Variants in SBNO2 observed in about 807,000 individuals in gnomAD.
SBNO2 encodes protein strawberry notch homolog 2.
SBNO2 carries 89 observed loss-of-function variants against 146.3 expected under a neutral mutation model. The ratio of observed to expected loss-of-function variants is 0.61; its 90% CI spans 0.51 to 0.73. SBNO2 has a LOEUF of 0.73. Among genes scored for constraint, SBNO2 ranks in the 30% least tolerant of loss-of-function variants. The pLI is 0.00. For missense variants in SBNO2, 2,092 were observed against 2,003.7 expected (o/e 1.04, Z -0.84); for synonymous variants, 1,147 against 892.6 (o/e 1.29, Z -5.08).
intron 17 of SBNO2, 74 bp from the exon 18 acceptor site, chr19:1,114,496 G>T: frequency 7.8e-7 from 1 of 1,287,310 alleles, no homozygotes; most frequent in Non-Finnish European, 1.0e-6. Flanking sequence ...GACGCAGCAG[G>T]ACAGAGCAAG....
chr19:1,167,451 G>A (rs911166747), intron 1 of SBNO2, among the ~76,000 whole-genome samples: 4 of 152,178 alleles, frequency 2.6e-5, no homozygotes, highest in Non-Finnish European at 5.9e-5. Flanking sequence ...GAGCTCGGCC[G>A]GGGGCGGGAT....
chr19:1,116,696 G>T, intron 16 of SBNO2, 133 bp downstream of exon 16: 1 of 708,858 alleles, frequency 1.4e-6, no homozygotes, highest in South Asian at 1.9e-5. Flanking sequence ...GCTGAGGCTG[G>T]GGGCCCAGCA....
intron 1 of SBNO2, among the ~76,000 whole-genome samples, chr19:1,165,702 C>T (rs1489932314): frequency 1.4e-5 from 2 of 146,094 alleles, no homozygotes; most frequent in South Asian, 2.3e-4. Context: ...TCTCAGACCC[C>T]AGACCCCAGA....
chr19:1,127,016 C>A (rs1329391215), intron 5 of SBNO2, among the ~76,000 whole-genome samples: 3 of 152,224 alleles, frequency 2.0e-5, no homozygotes, highest in Non-Finnish European at 2.9e-5. Flanking sequence ...CCTCAGCCCC[C>A]ACGGACAATG....
At chr19:1,132,288 C>A (rs1210336634) in intron 4 of SBNO2, 3 of 1,312,232 alleles carry the variant, frequency 2.3e-6, no homozygotes, top group Non-Finnish European at 2.9e-6. Flanking sequence ...TTAGTCACCG[C>A]CGCCGGCGCC....
chr19:1,129,090 A>T (rs1485126341), intron 4 of SBNO2, among the ~76,000 whole-genome samples: 1 of 151,860 alleles, frequency 6.6e-6, no homozygotes, highest in Non-Finnish European at 1.5e-5. Context: ...AATATGGTAA[A>T]ACCCTGTCTT....
chr19:1,156,854 T>C (rs4807612), intron 1 of SBNO2, among the ~76,000 whole-genome samples: 39,424 of 142,454 alleles, frequency 0.28, 6,255 homozygotes, highest in East Asian at 0.51. Context: ...CCGGGGCCCA[T>C]TTCCAAGTCC....
intron 9 of SBNO2, 48 bp downstream of exon 9, chr19:1,122,610 T>TCCCCCC: frequency 4.3e-6 from 3 of 694,600 alleles, no homozygotes; most frequent in Admixed American, 3.6e-5. Flanking sequence ...GCCCCCCGCT[T>TCCCCCC]CCGCCCCCCA....
In SBNO2 at chr19:1,125,564, G is replaced by T. The variant is rs549355736; in HGVS notation, c.442-1542C>A. The stretch of plus-strand genomic sequence containing the variant: ...ACATGCCTGTAATCTCAGCTACTAG[G>T]GAGGCTGAGGAGGCAGGAGAATCTC... On this transcript the variant is annotated intron_variant, in intron 5 of 31. Coordinates refer to ENST00000361757, the MANE Select transcript of SBNO2 (RefSeq NM_014963.3). 1.0e-3 allele frequency among the ~76,000 whole-genome samples: 155 copies of T among 151,948 alleles called. 1 individual carries two copies. Among genetic ancestry groups the T allele is most frequent in the African/African-American group, 3.5e-3 (146 of 41,420 alleles).
Position 1,108,416 on chromosome 19 carries a change from G to A in SBNO2, c.3905C>T (p.Ala1302Val). The A allele has an allele frequency of 3.1e-6, 4 of 1,270,492 alleles. No homozygotes were observed. Among genetic ancestry groups the A allele is most frequent in the Non-Finnish European group, 4.0e-6 (4 of 1,002,794 alleles). 78.7% of individuals were successfully genotyped at this position (1,270,492 alleles called of 1,614,324 possible). Residue 1302 changes from alanine to valine, a missense_variant, in exon 32 of 32, where the codon GCC becomes GTC. Ala to Val is a moderately conservative substitution (Grantham distance 64, BLOSUM62 0). Transcript: ENST00000361757. ...GTPDAQADPA[A>V]LAHQGCDINF... ...GATGTCGCAGCCCTGGTGCGCGAGG[G>A]CCGCAGGGTCGGCCTGGGCGTCGGG...
rs2079716773 is a variant in SBNO2, at chr19:1,109,074, C to A, written c.3425+61G>T. On this transcript the variant is annotated intron_variant, in intron 30 of 31. Transcript: ENST00000361757. The surrounding 1 kb of genome is among the most constrained non-coding windows in gnomAD (Gnocchi z 4.2). ...CTCCTCTCAGGGTCTCGGGAGCCCCCGATCCCCGCCTGGGTCGCCGCCATC... is the reference window on the plus strand; with the variant it reads ...CTCCTCTCAGGGTCTCGGGAGCCCCAGATCCCCGCCTGGGTCGCCGCCATC... 1.3e-6 allele frequency: 2 copies of A among 1,533,378 alleles called. No homozygotes were observed. Among genetic ancestry groups the A allele is most frequent in the Non-Finnish European group, 1.8e-6 (2 of 1,139,832 alleles). 95.0% of individuals were successfully genotyped at this position (1,533,378 alleles called of 1,614,324 possible). A position where few individuals can be genotyped will look rare whatever the true frequency, so the allele number is the denominator to read the frequency against.
Position 1,136,091 on chromosome 19 carries a change from C to G in SBNO2, c.280-8326G>C, listed in dbSNP as rs1320935824. ...TCCTCATTCGAAGGAGACACAGTCC[C>G]GGGGAGGAGGCCACGGGACACAGAA... is the stretch of plus-strand genomic sequence containing the variant. On this transcript the variant is annotated intron_variant, in intron 4 of 31. Coordinates refer to ENST00000361757, the MANE Select transcript of SBNO2 (RefSeq NM_014963.3). This position sits in a 1 kb window ranked among gnomAD's most constrained non-coding sequence, Gnocchi z 4.2. Among the ~76,000 whole-genome samples the G allele has an allele frequency of 6.6e-6, 1 of 152,102 alleles. No individual in the cohort carries two copies. The highest frequency in any genetic ancestry group is 2.1e-4 in the South Asian group (1 of 4,828).
At chr19:1,138,675 GAC>G (rs1351160419) in intron 4 of SBNO2, among the ~76,000 whole-genome samples, 2 of 151,500 alleles carry the variant, frequency 1.3e-5, no homozygotes, top group African/African-American at 2.4e-5. Flanking sequence ...ATCACAGACA[GAC>G]ACAGTGGGGC....
At chr19:1,146,090 C>T (rs537441284) in intron 4 of SBNO2, among the ~76,000 whole-genome samples, 41 of 152,298 alleles carry the variant, frequency 2.7e-4, no homozygotes, top group African/African-American at 9.6e-4. Flanking sequence ...TCCAGCGTGG[C>T]GCCAGCTCCC....
chr19:1,121,507 G>A (rs1253449758), intron 11 of SBNO2, among the ~76,000 whole-genome samples: 2 of 152,200 alleles, frequency 1.3e-5, no homozygotes, highest in African/African-American at 2.4e-5. Flanking sequence ...CCTTATCTGA[G>A]CCTGTGCTCC....
chr19:1,152,190 C>A (rs558645735), intron 2 of SBNO2, among the ~76,000 whole-genome samples: 1 of 152,210 alleles, frequency 6.6e-6, no homozygotes, highest in Non-Finnish European at 1.5e-5. Flanking sequence ...GTGCCCCCGC[C>A]GGGTTCCAGC....
chr19:1,112,085 G>A lies in SBNO2; in HGVS notation c.2629-18C>T, dbSNP rs2079769418. 1.2e-6 allele frequency: 2 copies of A among 1,611,888 alleles called. No individual in the cohort carries two copies. The highest frequency in any genetic ancestry group is 1.3e-5 in the African/African-American group (1 of 74,916). On this transcript the variant is annotated intron_variant, in intron 22 of 31. Transcript: ENST00000361757. The surrounding 1 kb of genome is among the most constrained non-coding windows in gnomAD (Gnocchi z 5.9). ...AGGGCCCCCTGCCAGGGGTGGGGAGGCCATCAGTTGGTCACCTGGGGTCTG... is the reference window on the plus strand; with the variant it reads ...AGGGCCCCCTGCCAGGGGTGGGGAGACCATCAGTTGGTCACCTGGGGTCTG...
intron 19 of SBNO2, 99 bp from the exon 20 acceptor site, chr19:1,113,048 G>A: frequency 7.1e-7 from 1 of 1,399,090 alleles, no homozygotes; most frequent in East Asian, 2.5e-5. Context: ...CAGTGGTCAT[G>A]GGCTCCCAGC....
rs370855034 is a variant in SBNO2 at position 1,173,022 on chromosome 19, G to C, written c.-127+1150C>G. On this transcript the variant is annotated intron_variant, in intron 1 of 31. Coordinates refer to ENST00000361757, the MANE Select transcript of SBNO2 (RefSeq NM_014963.3). This position sits in a 1 kb window ranked among gnomAD's most constrained non-coding sequence, Gnocchi z 4.7. ...TTTTTTTTTTTTAACTTTTCAGAAT[G>C]TTAATCAGTTCATCCAGGGAGACAC... is the stretch of plus-strand genomic sequence containing the variant. 6.8e-6 allele frequency among the ~76,000 whole-genome samples: 1 copy of C among 146,332 alleles called. No homozygotes were observed. The highest frequency in any genetic ancestry group is 2.0e-4 in the East Asian group (1 of 4,944).
Sources: gnomAD v4.1 joint callset for allele counts (sites outside exome capture counted in the v4.1 genomes callset) on GRCh38, gnomAD v4.1.1 for gene constraint, Gnocchi (gnomAD v3.1) non-coding constraint, MANE v1.5 for transcripts, NCBI Gene and HGNC (gene_info 2026-07-23, HGNC 2026-07-21) for gene names.